The following KIAA1671 variants were observed in gnomAD, a reference collection of about 807,000 sequenced individuals.
KIAA1671 encodes uncharacterized protein KIAA1671.
A neutral mutation model predicts 131.2 loss-of-function variants in KIAA1671; 52 were observed. That is an observed-to-expected ratio of 0.40 (90% CI 0.32 to 0.50). The LOEUF is 0.50. KIAA1671 is among the 20% of genes least tolerant of loss of function. The pLI, the probability that KIAA1671 is intolerant of heterozygous loss-of-function variation, is 0.73. For missense variants in KIAA1671, 2,360 were observed against 2,364.2 expected, an observed-to-expected ratio of 1.00 and a Z score of 0.04; for synonymous variants, 1,003 against 961.6, an observed-to-expected ratio of 1.04 and a Z score of -0.80.
Position 25,028,139 on chromosome 22 carries a change from T to C in KIAA1671, c.140T>C (p.Ile47Thr). The C allele has an allele frequency of 1.9e-6, 3 of 1,551,134 alleles. No homozygotes were observed. Among genetic ancestry groups the C allele is most frequent in the Non-Finnish European group, 2.6e-6 (3 of 1,146,738 alleles). ...GCCTCTGGGGCTCCCCCAGCCCGGA[T>C]CTTGGAAGCGAAGAGCCCCCTGCGG... ...GEASGAPPAR[I>T]LEAKSPLRSP... is the part of the protein sequence containing the mutation. Residue 47 changes from isoleucine to threonine, a missense_variant, in exon 3 of 13, where the codon ATC (isoleucine) becomes ACC (threonine). Ile to Thr is a moderately conservative substitution (Grantham distance 89). Transcript: ENST00000358431.
At chr22:25,164,644 G>C (rs1391842069) in intron 6 of KIAA1671, among the ~76,000 whole-genome samples, 2 of 152,166 alleles carry the variant, frequency 1.3e-5, no homozygotes, top group African/African-American at 4.8e-5. Flanking sequence ...AAAACAACCT[G>C]ACTTGTAGAA....
intron 6 of KIAA1671, among the ~76,000 whole-genome samples, chr22:25,091,890 T>C (rs1013461635): frequency 7.9e-5 from 12 of 152,178 alleles, no homozygotes; most frequent in African/African-American, 2.9e-4. Flanking sequence ...CTTGTGGGTG[T>C]TGGGGTTACC....
At chr22:25,030,569 ATATTCT>A (rs1926231176) in intron 3 of KIAA1671, among the ~76,000 whole-genome samples, 1 of 152,046 alleles carries the variant, frequency 6.6e-6, no homozygotes, top group Admixed American at 6.6e-5. Context: ...AACAAAAAAG[ATATTCT>A]TAGTCATTTG....
chr22:24,990,530 GC>G (rs1841773974), intron 1 of KIAA1671, among the ~76,000 whole-genome samples: 1 of 152,180 alleles, frequency 6.6e-6, no homozygotes, highest in Non-Finnish European at 1.5e-5. Flanking sequence ...ACACACATGT[GC>G]CTGCCCAATG....
Position 25,028,755 on chromosome 22 carries a change from G to C in KIAA1671, c.756G>C (p.Gln252His). The C allele has an allele frequency of 6.4e-7, 1 of 1,551,284 alleles. No individual in the cohort carries two copies. The highest frequency in any genetic ancestry group is 8.7e-7 in the Non-Finnish European group (1 of 1,147,010). The stretch of plus-strand genomic sequence containing the variant: ...CTGCCATTTTCACGGAGTCCATTCA[G>C]CCTCAGAAGCCAGGCCCCGGCGCAG... ...PVSAIFTESIQPQKPGPGAAA... is the reference protein window; with the variant it reads ...PVSAIFTESIHPQKPGPGAAA... The change falls in exon 3 of 13, where the codon CAG becomes CAC. Residue 252 changes from glutamine (Q) to histidine (H), a missense_variant. By Grantham distance (24) the Gln-to-His change is conservative (BLOSUM62 0). Transcript: ENST00000358431.
intron 6 of KIAA1671, chr22:25,055,171 G>C (rs5996822): frequency 0.23 from 33,950 of 149,168 alleles, 5,702 homozygotes; most frequent in Middle Eastern, 0.29. Context: ...TGATGACTTT[G>C]TTATTAAGAC....
At chr22:25,129,173 TG>T (rs957618714) in intron 6 of KIAA1671, among the ~76,000 whole-genome samples, 7 of 142,732 alleles carry the variant, frequency 4.9e-5, no homozygotes, top group East Asian at 2.2e-4. Context: ...GGCGGGGCGG[TG>T]GGGGGGCTCC....
At chr22:25,090,914 C>T (rs1364723749) in intron 6 of KIAA1671, among the ~76,000 whole-genome samples, 2 of 152,208 alleles carry the variant, frequency 1.3e-5, no homozygotes, top group Non-Finnish European at 2.9e-5. Context: ...TCCTATTGGA[C>T]TGCAGGCTCC....
chr22:24,988,327 C>A (rs911068541), intron 1 of KIAA1671, among the ~76,000 whole-genome samples: 2 of 150,694 alleles, frequency 1.3e-5, no homozygotes, highest in East Asian at 4.0e-4. Flanking sequence ...GCCCCCCAAA[C>A]TGGGAGCACT....
intron 1 of KIAA1671, among the ~76,000 whole-genome samples, chr22:25,018,633 C>T (rs1322318996): frequency 6.6e-6 from 1 of 152,166 alleles, no homozygotes; most frequent in Non-Finnish European, 1.5e-5. Flanking sequence ...CTAAACACCT[C>T]ATGTAAATGA....
intron 10 of KIAA1671, among the ~76,000 whole-genome samples, chr22:25,183,608 C>T (rs1043713641): frequency 5.3e-5 from 8 of 151,530 alleles, no homozygotes; most frequent in African/African-American, 7.3e-5. Context: ...CTGCAAGCTC[C>T]GCCTCCCGGG....
In KIAA1671 at chr22:24,958,492, A is replaced by G. The variant is rs200488743; in HGVS notation, c.-208+5720A>G. 5.3e-5 allele frequency among the ~76,000 whole-genome samples: 8 copies of G among 151,888 alleles called. No homozygotes were observed. The East Asian group carries it at 1.4e-3, about 26-fold the overall frequency. Reference sequence around the variant, plus strand: ...TGGTGAAACCCCGTCTCTACTAAAAATACAAAAATCAGCCAGGCGTGGTGG... The same window carrying G: ...TGGTGAAACCCCGTCTCTACTAAAAGTACAAAAATCAGCCAGGCGTGGTGG... On this transcript the variant is annotated intron_variant, in intron 1 of 12. Coordinates refer to ENST00000358431, the MANE Select transcript of KIAA1671 (RefSeq NM_001145206.2).
chr22:25,138,250 G>A (rs989400734), intron 6 of KIAA1671, among the ~76,000 whole-genome samples: 7 of 152,162 alleles, frequency 4.6e-5, no homozygotes, highest in South Asian at 2.1e-4. Context: ...GGGAACAGCC[G>A]GCTGCATGGC....
chr22:25,136,586 G>A (rs738327), intron 6 of KIAA1671, among the ~76,000 whole-genome samples: 21,795 of 152,208 alleles, frequency 0.14, 1,563 homozygotes, highest in South Asian at 0.19. Flanking sequence ...AATCCTGCCC[G>A]TTTTTGCCTC....
chr22:25,147,531 C>T (rs775024034), intron 6 of KIAA1671, among the ~76,000 whole-genome samples: 29 of 152,184 alleles, frequency 1.9e-4, no homozygotes, highest in Non-Finnish European at 4.0e-4. Context: ...ACCTCCAGTC[C>T]TTTGCCCTGG....
intron 6 of KIAA1671, among the ~76,000 whole-genome samples, chr22:25,131,363 A>G (rs1420480353): frequency 6.6e-6 from 1 of 152,148 alleles, no homozygotes; most frequent in East Asian, 1.9e-4. Flanking sequence ...CGTGCCTGGT[A>G]CCTCTTCAGC....
intron 7 of KIAA1671, among the ~76,000 whole-genome samples, chr22:25,173,849 T>A: frequency 6.6e-6 from 1 of 150,880 alleles, no homozygotes; most frequent in African/African-American, 2.5e-5. Context: ...GTATTGGAAA[T>A]CCAGTGTGTA....
chr22:25,126,309 C>A (rs989111770), intron 6 of KIAA1671, among the ~76,000 whole-genome samples: 1 of 152,206 alleles, frequency 6.6e-6, no homozygotes, highest in Non-Finnish European at 1.5e-5. Context: ...ACCGGTAATT[C>A]CTTAATTCGT....
At chr22:25,179,729 T>C (rs1179954830) in intron 9 of KIAA1671, among the ~76,000 whole-genome samples, 1 of 152,236 alleles carries the variant, frequency 6.6e-6, no homozygotes, top group African/African-American at 2.4e-5. Flanking sequence ...GACAGAGACA[T>C]AGCTTAATAA....
Sources: gnomAD v4.1 joint callset for allele counts (sites outside exome capture counted in the v4.1 genomes callset) on GRCh38, gnomAD v4.1.1 for gene constraint, MANE v1.5 for transcripts, NCBI Gene and HGNC (gene_info 2026-07-23, HGNC 2026-07-21) for gene names.